The following EPHA7 variants were observed in gnomAD, a reference collection of about 807,000 sequenced individuals.
EPHA7 encodes the protein ephrin type-A receptor 7.
A neutral mutation model predicts 112.6 loss-of-function variants in EPHA7; 25 were observed. The observed-to-expected ratio is 0.22, with a 90% CI of 0.16 to 0.31. The LOEUF is 0.31. Ranked by LOEUF, EPHA7 falls within the 10% of genes least tolerant of loss-of-function variation. The pLI is 1.00. For synonymous variants in EPHA7, 437 were observed against 406.5 expected, an observed-to-expected ratio of 1.07 and a Z score of -0.90; for missense variants, 962 against 1,212.6, an observed-to-expected ratio of 0.79 and a Z score of 3.07.
intron 5 of EPHA7, among the ~76,000 whole-genome samples, chr6:93,299,701 T>C (rs954350478): frequency 2.0e-5 from 3 of 152,110 alleles, no homozygotes; most frequent in African/African-American, 7.2e-5. Flanking sequence ...CTATTCACAA[T>C]AGCAAAGATA....
chr6:93,362,974 A>G (rs987401376), intron 3 of EPHA7, among the ~76,000 whole-genome samples: 2 of 152,084 alleles, frequency 1.3e-5, no homozygotes, highest in African/African-American at 2.4e-5. Flanking sequence ...CCAAAAAAAG[A>G]TTTCCTGATC....
In EPHA7 at chr6:93,356,583, A is replaced by C. The variant is rs1023635780; in HGVS notation, c.1324+134T>G. ...CTAATGGTGTAACAAGCAACAGGAA[A>C]AGTTAAAGCTGTAAATAATCAACAA... On this transcript the variant is annotated intron_variant, in intron 5 of 16. Coordinates refer to ENST00000369303, the MANE Select transcript of EPHA7 (RefSeq NM_004440.4). 5 of 786,288 alleles carry C rather than the reference A, an allele frequency of 6.4e-6. No individual in the cohort carries two copies. The African/African-American group carries it at 8.7e-5, about 14-fold the overall frequency. The allele number at this position is 786,288 out of a possible 1,614,324, so 48.7% of individuals were successfully genotyped here.
chr6:93,369,737 A>G (rs930330160), intron 3 of EPHA7, among the ~76,000 whole-genome samples: 2 of 152,194 alleles, frequency 1.3e-5, no homozygotes, highest in African/African-American at 4.8e-5. Context: ...ATGGATTCCC[A>G]AAGCCTAGCA....
At chr6:93,266,458 G>GC in intron 7 of EPHA7, among the ~76,000 whole-genome samples, 1 of 151,712 alleles carries the variant, frequency 6.6e-6, no homozygotes, top group African/African-American at 2.4e-5. Flanking sequence ...TATATTGTCA[G>GC]GGTCGTACTT....
intron 3 of EPHA7, among the ~76,000 whole-genome samples, chr6:93,397,031 A>G (rs925488475): frequency 4.0e-5 from 6 of 151,770 alleles, no homozygotes. Context: ...AATTGAGAAC[A>G]TTATCAAATT....
intron 3 of EPHA7, among the ~76,000 whole-genome samples, chr6:93,406,307 A>C (rs928263385): frequency 2.6e-5 from 4 of 151,906 alleles, no homozygotes; most frequent in African/African-American, 9.6e-5. Flanking sequence ...CCAAATGAGA[A>C]GAATTTTTTA....
At chr6:93,288,687 C>A (rs919731316) in intron 5 of EPHA7, among the ~76,000 whole-genome samples, 1 of 152,186 alleles carries the variant, frequency 6.6e-6, no homozygotes, top group East Asian at 1.9e-4. Flanking sequence ...AATCTTCCCT[C>A]ATTTTGTGCA....
rs76218380 is a variant in EPHA7 at position 93,304,036 on chromosome 6, C to G, written c.1325-31614G>C. ...CTGTTGTTAAAGACAGCCTTCACTG[C>G]ACTCAAACGAAGAGGACATTGGACA... On this transcript the variant is annotated intron_variant, in intron 5 of 16. Transcript: ENST00000369303. Among the ~76,000 whole-genome samples, 763 of 152,096 alleles carry G rather than the reference C, an allele frequency of 5.0e-3. 12 individuals are homozygous for G. The highest frequency in any genetic ancestry group is 0.018 in the African/African-American group (736 of 41,532).
chr6:93,258,033 T>C lies in EPHA7; in HGVS notation c.2110+66A>G, dbSNP rs935655204. 4.2e-6 allele frequency: 6 copies of C among 1,415,958 alleles called. No individual in the cohort carries two copies. In the African/African-American group the frequency reaches 8.6e-5, roughly 20 times the overall value. The allele number at this position is 1,415,958 out of a possible 1,614,324, so 87.7% of individuals were successfully genotyped here. ...ATATTTCATAATTTGTTTTATTGTG[T>C]ACATAATAATACTAATTTCTGACAC... is the stretch of plus-strand genomic sequence containing the variant. On this transcript the variant is annotated intron_variant, in intron 11 of 16. Coordinates refer to ENST00000369303, the MANE Select transcript of EPHA7 (RefSeq NM_004440.4).
At chr6:93,264,008 A>G (rs1770812752) in intron 8 of EPHA7, 93 bp from the exon 9 acceptor site, 1 of 851,504 alleles carries the variant, frequency 1.2e-6, no homozygotes, top group African/African-American at 1.8e-5. Flanking sequence ...ACAACTTACT[A>G]GAGTTAAATT....
intron 5 of EPHA7, among the ~76,000 whole-genome samples, chr6:93,356,160 T>C (rs1775932360): frequency 6.6e-6 from 1 of 152,060 alleles, no homozygotes. Flanking sequence ...GATCTTTCAG[T>C]GGAGTTATTT....
intron 5 of EPHA7, among the ~76,000 whole-genome samples, chr6:93,293,409 G>T (rs1015128551): frequency 3.3e-5 from 5 of 152,096 alleles, no homozygotes; most frequent in African/African-American, 1.2e-4. Flanking sequence ...TTCATAAAGA[G>T]ATGTGAAGTC....
intron 3 of EPHA7, among the ~76,000 whole-genome samples, chr6:93,362,422 T>C (rs1235175459): frequency 6.6e-6 from 1 of 152,096 alleles, no homozygotes; most frequent in Non-Finnish European, 1.5e-5. Flanking sequence ...TTAAATAATA[T>C]TTTTAATTTA....
At chr6:93,365,982 A>C (rs1234848078) in intron 3 of EPHA7, among the ~76,000 whole-genome samples, 2 of 152,186 alleles carry the variant, frequency 1.3e-5, no homozygotes, top group African/African-American at 4.8e-5. Flanking sequence ...AAAGTTTAGA[A>C]TGTAAAATGA....
At chr6:93,316,787 C>T (rs551619613) in intron 5 of EPHA7, among the ~76,000 whole-genome samples, 13 of 152,114 alleles carry the variant, frequency 8.5e-5, no homozygotes, top group Admixed American at 2.0e-4. Flanking sequence ...TTCTGCATTA[C>T]GTAAATGAAT....
At chr6:93,301,054 C>T (rs1772952898) in intron 5 of EPHA7, among the ~76,000 whole-genome samples, 1 of 152,116 alleles carries the variant, frequency 6.6e-6, no homozygotes, top group African/African-American at 2.4e-5. Context: ...GTATTATAAT[C>T]TTATGGGCCA....
In EPHA7 at chr6:93,245,309, C is replaced by A. The variant is rs542454175; in HGVS notation, c.2871G>T (p.Arg957Ser). ...GAGTTTAAGCTTACTCAATAGTCAT[C>A]CTGGCTACTGATTCAAGGGAATTGT... is the stretch of plus-strand genomic sequence containing the variant. ...AGYNSLESVA[R>S]MTIEDVMSLG... is the part of the protein sequence containing the mutation. The change falls in exon 16 of 17, where the codon AGG (arginine) becomes AGT (serine). Residue 957 changes from arginine (R) to serine (S), a missense_variant. By Grantham distance (110) the Arg-to-Ser change is moderately radical. This residue lies in a region of EPHA7 where 746 missense variants were observed against 889.2 expected (regional missense o/e 0.84). Coordinates refer to ENST00000369303, the MANE Select transcript of EPHA7 (RefSeq NM_004440.4). 1.2e-6 allele frequency: 2 copies of A among 1,612,730 alleles called. No homozygotes were observed. The highest frequency in any genetic ancestry group is 1.1e-5 in the South Asian group (1 of 91,002).
chr6:93,321,358 A>G (rs1774064466), intron 5 of EPHA7, among the ~76,000 whole-genome samples: 2 of 151,880 alleles, frequency 1.3e-5, no homozygotes, highest in South Asian at 4.1e-4. Flanking sequence ...TATATCAATC[A>G]CAATAGGTGA....
chr6:93,264,106 A>C (rs1478336669), intron 8 of EPHA7, among the ~76,000 whole-genome samples, 191 bp from the exon 9 acceptor site: 1 of 151,604 alleles, frequency 6.6e-6, no homozygotes, highest in African/African-American at 2.4e-5. Context: ...GTGTGAGAAA[A>C]TGTAAAAGGA....
Sources: allele counts gnomAD v4.1 joint callset (sites outside exome capture counted in the v4.1 genomes callset), GRCh38; gene constraint gnomAD v4.1.1; regional missense constraint gnomAD v4.1.1; transcripts MANE v1.5; gene names NCBI Gene and HGNC (gene_info 2026-07-23, HGNC 2026-07-21).